Variants in CAMTA1 observed in about 807,000 individuals in gnomAD.
CAMTA1 encodes calmodulin binding transcription activator 1, also known as calmodulin-binding transcription activator 1.
CAMTA1 carries 27 observed loss-of-function variants against 170.9 expected under a neutral mutation model. The ratio of observed to expected loss-of-function variants is 0.16; its 90% CI spans 0.12 to 0.22. CAMTA1 has a LOEUF of 0.22. CAMTA1 is among the 10% of genes least tolerant of loss of function. CAMTA1 has a pLI of 1.00. For missense variants in CAMTA1, 1,619 were observed against 2,217.2 expected (o/e 0.73, Z 5.42); for synonymous variants, 833 against 891.5 (o/e 0.93, Z 1.17).
intron 5 of CAMTA1, among the ~76,000 whole-genome samples, chr1:7,380,157 A>G (rs1237930206): frequency 6.6e-6 from 1 of 152,218 alleles, no homozygotes; most frequent in African/African-American, 2.4e-5. Flanking sequence ...CCTATTATTT[A>G]TATGCAAATC....
intron 5 of CAMTA1, among the ~76,000 whole-genome samples, chr1:7,257,795 T>G (rs763245693): frequency 2.6e-5 from 4 of 152,228 alleles, no homozygotes; most frequent in Non-Finnish European, 4.4e-5. Flanking sequence ...GCATCATGTA[T>G]TTTATCTGAC....
chr1:7,339,900 C>G (rs1336637690), intron 5 of CAMTA1, among the ~76,000 whole-genome samples: 1 of 152,114 alleles, frequency 6.6e-6, no homozygotes, highest in Non-Finnish European at 1.5e-5. Flanking sequence ...CCCAGCTGAT[C>G]ATCTCACTCT....
At chr1:7,367,129 G>T (rs1323525416) in intron 5 of CAMTA1, among the ~76,000 whole-genome samples, 1 of 152,154 alleles carries the variant, frequency 6.6e-6, no homozygotes, top group Non-Finnish European at 1.5e-5. Flanking sequence ...AGAAAGAGAC[G>T]GGGAGTTGGC....
intron 3 of CAMTA1, among the ~76,000 whole-genome samples, chr1:6,844,161 T>C (rs1346611789): frequency 3.3e-5 from 5 of 152,204 alleles, no homozygotes; most frequent in African/African-American, 1.2e-4. Flanking sequence ...TGTTTGATTC[T>C]GTATACAGGT....
At chr1:7,009,193 G>A (rs1699441055) in intron 3 of CAMTA1, among the ~76,000 whole-genome samples, 2 of 152,256 alleles carry the variant, frequency 1.3e-5, no homozygotes, top group Non-Finnish European at 2.9e-5. Flanking sequence ...AGGCAGGCTC[G>A]GACCAGGAAC....
intron 4 of CAMTA1, among the ~76,000 whole-genome samples, chr1:7,170,413 G>A (rs1362729479): frequency 6.6e-6 from 1 of 151,674 alleles, no homozygotes; most frequent in Non-Finnish European, 1.5e-5. Flanking sequence ...CCATCATCTA[G>A]GTTTTAAGCC....
At chr1:7,758,718 G>C (rs1468141051) in intron 22 of CAMTA1, among the ~76,000 whole-genome samples, 1 of 152,048 alleles carries the variant, frequency 6.6e-6, no homozygotes, top group Admixed American at 6.6e-5. Flanking sequence ...GGCGGATCAC[G>C]AGGTCAGGAG....
intron 5 of CAMTA1, among the ~76,000 whole-genome samples, chr1:7,462,317 G>A (rs1009432513): frequency 1.3e-5 from 2 of 152,188 alleles, no homozygotes; most frequent in African/African-American, 4.8e-5. Context: ...CCAGGCTGGA[G>A]TGCAGTGGCA....
intron 4 of CAMTA1, among the ~76,000 whole-genome samples, chr1:7,104,173 CAT>C (rs768546948): frequency 1.9e-4 from 29 of 151,252 alleles, no homozygotes; most frequent in East Asian, 9.8e-4. Context: ...CAACTACACA[CAT>C]ATACACACAA....
intron 3 of CAMTA1, among the ~76,000 whole-genome samples, chr1:7,003,951 A>G (rs1022814135): frequency 6.6e-6 from 1 of 152,224 alleles, no homozygotes; most frequent in Middle Eastern, 3.2e-3. Context: ...CGAAAGGGTC[A>G]GGTTGTGCTG....
At chr1:7,584,970 A>G (rs2095296779) in intron 6 of CAMTA1, among the ~76,000 whole-genome samples, 1 of 152,236 alleles carries the variant, frequency 6.6e-6, no homozygotes, top group Admixed American at 6.5e-5. Context: ...TTTGCATTTT[A>G]GAAACAGAAT....
At chr1:7,582,653 T>G (rs1054962059) in intron 6 of CAMTA1, among the ~76,000 whole-genome samples, 8 of 152,110 alleles carry the variant, frequency 5.3e-5, no homozygotes, top group African/African-American at 1.9e-4. Context: ...AGCCATCGTG[T>G]CTTCATCCCA....
At position 6,821,913 on chromosome 1, in the gene CAMTA1, C is replaced by T. The variant is rs1327489681; in HGVS notation, c.115+1663C>T. On this transcript the variant is annotated intron_variant, in intron 2 of 22. Transcript: ENST00000303635. Reference sequence around the variant, plus strand: ...TATTATACTACACCTTGTAGGTTGACTAGAAAGGATGGTTCGTTCTTTAGA... The same window carrying T: ...TATTATACTACACCTTGTAGGTTGATTAGAAAGGATGGTTCGTTCTTTAGA... 2.0e-5 allele frequency among the ~76,000 whole-genome samples: 3 copies of T among 152,104 alleles called. No homozygotes were observed. In the East Asian group the frequency reaches 5.8e-4, roughly 29 times the overall value.
At chr1:7,553,984 G>A (rs183403757) in intron 6 of CAMTA1, among the ~76,000 whole-genome samples, 59 of 152,292 alleles carry the variant, frequency 3.9e-4, no homozygotes, top group African/African-American at 1.3e-3. Context: ...CTTTCAGTGG[G>A]CCACAAAGTG....
At chr1:7,601,025 G>A (rs1421684702) in intron 6 of CAMTA1, among the ~76,000 whole-genome samples, 1 of 152,156 alleles carries the variant, frequency 6.6e-6, no homozygotes, top group Non-Finnish European at 1.5e-5. Flanking sequence ...GTGGTGGCTG[G>A]GCAGAGGGGC....
chr1:6,949,406 C>T (rs771950337), intron 3 of CAMTA1, among the ~76,000 whole-genome samples: 4 of 152,192 alleles, frequency 2.6e-5, no homozygotes, highest in Admixed American at 6.5e-5. Context: ...CTATAGACCC[C>T]GTGAATCATG....
chr1:6,804,108 C>T (rs1288370260), intron 1 of CAMTA1, among the ~76,000 whole-genome samples: 3 of 151,622 alleles, frequency 2.0e-5, no homozygotes, highest in Admixed American at 6.6e-5. Context: ...CAGTTGAACC[C>T]GGGAGGCAGA....
intron 11 of CAMTA1, among the ~76,000 whole-genome samples, chr1:7,714,424 A>T (rs917701156): frequency 6.6e-6 from 1 of 152,232 alleles, no homozygotes; most frequent in Non-Finnish European, 1.5e-5. Context: ...CTTCGATGAA[A>T]TGGTGCTTTG....
At chr1:6,974,221 G>C (rs1693023555) in intron 3 of CAMTA1, among the ~76,000 whole-genome samples, 1 of 152,218 alleles carries the variant, frequency 6.6e-6, no homozygotes, top group African/African-American at 2.4e-5. Flanking sequence ...CCTGGGAGCA[G>C]GAGGGGAAAC....
Sources: allele counts gnomAD v4.1 joint callset (sites outside exome capture counted in the v4.1 genomes callset), GRCh38; gene constraint gnomAD v4.1.1; transcripts MANE v1.5; gene names NCBI Gene and HGNC (gene_info 2026-07-23, HGNC 2026-07-21).